CTNNA2: variants seen among roughly 807,000 people sequenced by gnomAD.
CTNNA2 encodes the protein catenin alpha-2.
Under a neutral mutation model 101.0 loss-of-function variants are expected in CTNNA2, and 42 were observed. That is an observed-to-expected ratio of 0.42 (90% CI 0.32 to 0.54). CTNNA2 has a LOEUF of 0.54. Ranked by LOEUF, CTNNA2 falls within the 20% of genes least tolerant of loss-of-function variation. The pLI is 0.14. For missense variants in CTNNA2, 871 were observed against 1,223.1 expected (o/e 0.71, Z 4.29); for synonymous variants, 450 against 456.4 (o/e 0.99, Z 0.18).
At chr2:79,517,577 T>A (rs1053402250) in intron 1 of CTNNA2, among the ~76,000 whole-genome samples, 1 of 152,208 alleles carries the variant, frequency 6.6e-6, no homozygotes, top group Non-Finnish European at 1.5e-5. Flanking sequence ...TTTTAAAAAT[T>A]CAGCAAATCT....
intron 8 of CTNNA2, among the ~76,000 whole-genome samples, chr2:80,402,816 A>G (rs1429591446): frequency 2.7e-5 from 4 of 148,142 alleles, no homozygotes; most frequent in East Asian, 1.9e-4. Flanking sequence ...ATATAATTCT[A>G]TATATTTATA....
intron 2 of CTNNA2, among the ~76,000 whole-genome samples, chr2:79,699,813 AC>A (rs368293678): frequency 0.1 from 14,706 of 146,854 alleles, 1,092 homozygotes; most frequent in East Asian, 0.43. Context: ...ACACACACAC[AC>A]ACACACACAC....
At chr2:79,269,472 T>G (rs766869317) in intron 2 of CTNNA2, among the ~76,000 whole-genome samples, 1 of 152,114 alleles carries the variant, frequency 6.6e-6, no homozygotes, top group Non-Finnish European at 1.5e-5. Flanking sequence ...CTGCAGACCC[T>G]CCAAGTCCTC....
At chr2:79,976,050 C>T (rs760570945) in intron 7 of CTNNA2, among the ~76,000 whole-genome samples, 1 of 152,090 alleles carries the variant, frequency 6.6e-6, no homozygotes, top group Non-Finnish European at 1.5e-5. Context: ...ATCTAGGGAT[C>T]CCCAGCCACC....
chr2:80,212,895 G>A (rs1436483566), intron 7 of CTNNA2, among the ~76,000 whole-genome samples: 6 of 152,186 alleles, frequency 3.9e-5, no homozygotes, highest in African/African-American at 7.2e-5. Context: ...TTCAGAGCCT[G>A]TTATTGGTCT....
At chr2:80,350,548 A>G (rs1030843360) in intron 7 of CTNNA2, among the ~76,000 whole-genome samples, 6 of 152,212 alleles carry the variant, frequency 3.9e-5, no homozygotes, top group African/African-American at 1.4e-4. Context: ...TGTCCTGATT[A>G]CATGAATGCT....
intron 7 of CTNNA2, among the ~76,000 whole-genome samples, chr2:80,322,554 G>A (rs1019696418): frequency 4.0e-5 from 6 of 151,560 alleles, no homozygotes; most frequent in Admixed American, 3.9e-4. Flanking sequence ...TTGCAGCTCC[G>A]GGACGGCGCG....
intron 2 of CTNNA2, among the ~76,000 whole-genome samples, chr2:79,269,257 C>A (rs944315631): frequency 3.3e-5 from 5 of 152,110 alleles, no homozygotes; most frequent in Non-Finnish European, 7.4e-5. Flanking sequence ...ATATTGACAG[C>A]CTAAGCCAGC....
chr2:79,381,844 C>A (rs1021775801), intron 4 of CTNNA2, among the ~76,000 whole-genome samples: 1 of 152,162 alleles, frequency 6.6e-6, no homozygotes, highest in Non-Finnish European at 1.5e-5. Context: ...TTATGAAAGT[C>A]TTTTGCTGTT....
chr2:79,895,692 A>ATTTT (rs70940058), intron 6 of CTNNA2, among the ~76,000 whole-genome samples: 63 of 140,486 alleles, frequency 4.5e-4, no homozygotes, highest in South Asian at 1.1e-3. Context: ...AAATTTCTTA[A>ATTTT]TTTTTTTTTT....
At chr2:80,170,802 T>G (rs7577376) in intron 7 of CTNNA2, among the ~76,000 whole-genome samples, 37,927 of 152,164 alleles carry the variant, frequency 0.25, 7,694 homozygotes, top group African/African-American at 0.56. Context: ...GAATGGTGAA[T>G]AAGCATCTGT....
chr2:79,945,805 G>T (rs1688453291), intron 7 of CTNNA2, among the ~76,000 whole-genome samples: 1 of 152,172 alleles, frequency 6.6e-6, no homozygotes, highest in Non-Finnish European at 1.5e-5. Context: ...TCCTCATAAA[G>T]TACGGGGCAC....
intron 7 of CTNNA2, among the ~76,000 whole-genome samples, chr2:80,102,532 C>A (rs891175672): frequency 1.3e-5 from 2 of 152,124 alleles, no homozygotes; most frequent in African/African-American, 4.8e-5. Flanking sequence ...TATTTAGAGA[C>A]AGAGTCTTCT....
chr2:79,461,489 G>A (rs779243146), intron 4 of CTNNA2, among the ~76,000 whole-genome samples: 1 of 152,114 alleles, frequency 6.6e-6, no homozygotes, highest in Non-Finnish European at 1.5e-5. Context: ...AGTTTACATT[G>A]ACACCGTGTT....
rs1674240370 is a variant in CTNNA2 at position 80,647,520 on chromosome 2, AT to A, written c.2575-64del. ...AACATTATTTTAACCGTGAAAGTAC[AT>A]CACCATTTTGTGAATTTGGGGCCTC... On this transcript the variant is annotated intron_variant, in intron 18 of 18. Coordinates refer to ENST00000402739, the MANE Select transcript of CTNNA2 (RefSeq NM_001282597.3). The A allele has an allele frequency of 6.2e-6, 8 of 1,298,432 alleles. No homozygotes were observed. The South Asian group carries it at 1.2e-4, about 20-fold the overall frequency. The allele number at this position is 1,298,432 out of a possible 1,614,324, so 80.4% of individuals were successfully genotyped here. A position where few individuals can be genotyped will look rare whatever the true frequency, so the allele number is the denominator to read the frequency against.
At chr2:79,997,783 T>C (rs1457657458) in intron 7 of CTNNA2, among the ~76,000 whole-genome samples, 1 of 152,198 alleles carries the variant, frequency 6.6e-6, no homozygotes, top group Non-Finnish European at 1.5e-5. Context: ...CATTTTGTCT[T>C]CTAAACCGCG....
At chr2:79,460,165 A>G (rs1670864319) in intron 4 of CTNNA2, among the ~76,000 whole-genome samples, 1 of 152,114 alleles carries the variant, frequency 6.6e-6, no homozygotes, top group South Asian at 2.1e-4. Context: ...TCTACCTGGT[A>G]ACCTTATATT....
At chr2:80,585,095 C>T (rs1695865300) in intron 14 of CTNNA2, among the ~76,000 whole-genome samples, 1 of 151,784 alleles carries the variant, frequency 6.6e-6, no homozygotes, top group Admixed American at 6.6e-5. Flanking sequence ...GTACTTGAAA[C>T]TTAATGTTAG....
chr2:80,134,711 G>A (rs1477245596), intron 7 of CTNNA2, among the ~76,000 whole-genome samples: 1 of 152,142 alleles, frequency 6.6e-6, no homozygotes, highest in Non-Finnish European at 1.5e-5. Context: ...TGCCTTTCCG[G>A]TTGTGCTTCA....
Sources: gnomAD v4.1 joint callset for allele counts (sites outside exome capture counted in the v4.1 genomes callset) on GRCh38, gnomAD v4.1.1 for gene constraint, MANE v1.5 for transcripts, NCBI Gene and HGNC (gene_info 2026-07-23, HGNC 2026-07-21) for gene names.